The following LRRC63 variants were observed in gnomAD, a reference collection of about 807,000 sequenced individuals.
The protein encoded by LRRC63 is leucine rich repeat containing 63.
A neutral mutation model predicts 49.5 loss-of-function variants in LRRC63; 40 were observed. The observed-to-expected ratio is 0.81, with a 90% CI of 0.63 to 1.05. The LOEUF (loss-of-function observed/expected upper bound fraction) is 1.05, where lower values mean the gene tolerates loss of function less well. Ranked by LOEUF, LRRC63 falls within the 50% of genes least tolerant of loss-of-function variation. The pLI is 0.00. For missense variants in LRRC63, 636 were observed against 663.1 expected (o/e 0.96, Z 0.45); for synonymous variants, 191 against 221.1 (o/e 0.86, Z 1.21).
At chr13:46,255,645 A>AAAAAAAAAAAAAAAAAAAAT (rs1555328641) in intron 7 of LRRC63, among the ~76,000 whole-genome samples, 39 of 129,444 alleles carry the variant, frequency 3.0e-4, no homozygotes, top group African/African-American at 1.1e-3. Context: ...CCCTGCCTCA[A>AAAAAAAAAAAAAAAAAAAAT]ATATATATAT....
intron 5 of LRRC63, among the ~76,000 whole-genome samples, chr13:46,234,879 C>A (rs1194150933): frequency 2.0e-5 from 3 of 152,020 alleles, no homozygotes; most frequent in Non-Finnish European, 2.9e-5. Flanking sequence ...TGGGTTTGAA[C>A]CCAGAACTTT....
intron 2 of LRRC63, among the ~76,000 whole-genome samples, chr13:46,215,529 G>C (rs1307078544): frequency 1.3e-5 from 2 of 151,894 alleles, no homozygotes; most frequent in African/African-American, 4.8e-5. Context: ...TTTTTCAGAT[G>C]GGTAGATTGC....
intron 8 of LRRC63, among the ~76,000 whole-genome samples, chr13:46,265,679 G>T (rs565561883): frequency 1.6e-4 from 25 of 152,276 alleles, no homozygotes; most frequent in African/African-American, 5.8e-4. Context: ...TTTGAATTTT[G>T]GGGGGACAGA....
intron 1 of LRRC63, among the ~76,000 whole-genome samples, chr13:46,212,792 T>G (rs1163090842): frequency 6.6e-6 from 1 of 152,238 alleles, no homozygotes; most frequent in African/African-American, 2.4e-5. Flanking sequence ...TATGTTTACT[T>G]ATAACCCTAC....
intron 5 of LRRC63, among the ~76,000 whole-genome samples, chr13:46,241,059 G>A (rs964477659): frequency 7.9e-5 from 12 of 152,178 alleles, no homozygotes; most frequent in African/African-American, 4.8e-5. Flanking sequence ...AAAGCTAGAG[G>A]CATCATGCTA....
At chr13:46,258,758 A>G (rs1473970170) in intron 7 of LRRC63, among the ~76,000 whole-genome samples, 8 of 149,920 alleles carry the variant, frequency 5.3e-5, no homozygotes, top group Non-Finnish European at 8.9e-5. Context: ...GCAGTGAGCC[A>G]AGATCACACC....
intron 9 of LRRC63, chr13:46,270,058 G>A: frequency 1.8e-6 from 1 of 562,022 alleles, no homozygotes; most frequent in Non-Finnish European, 3.2e-6. Flanking sequence ...TTATAGGGGT[G>A]GTGGCGCCTG....
At chr13:46,244,076 A>G (rs2047143809) in intron 5 of LRRC63, among the ~76,000 whole-genome samples, 1 of 152,236 alleles carries the variant, frequency 6.6e-6, no homozygotes, top group Non-Finnish European at 1.5e-5. Context: ...GTGGTAAATA[A>G]TCAGTGAATA....
At position 46,213,322 on chromosome 13, in the gene LRRC63, C is replaced by T. The variant is rs1012709871; in HGVS notation, c.85+203C>T. ...CTTAGTAGATTCAAGTTTATCTCAT[C>T]GATAAAATTTACTTGTAACCCCAGA... On this transcript the variant is annotated intron_variant, in intron 2 of 9. Transcript: ENST00000595396. 2.6e-5 allele frequency among the ~76,000 whole-genome samples: 4 copies of T among 152,188 alleles called. No homozygotes were observed. The East Asian group carries it at 5.8e-4, about 22-fold the overall frequency.
chr13:46,242,275 G>A (rs746270870), intron 5 of LRRC63, among the ~76,000 whole-genome samples: 1 of 152,054 alleles, frequency 6.6e-6, no homozygotes. Context: ...GAGAACACAC[G>A]GACACATAGA....
In LRRC63 at chr13:46,231,384, C is replaced by T. The variant is rs797019413; in HGVS notation, c.832+2651C>T. 1.4e-4 allele frequency among the ~76,000 whole-genome samples: 21 copies of T among 152,232 alleles called. 1 individual carries two copies. The highest frequency in any genetic ancestry group is 4.8e-4 in the African/African-American group (20 of 41,540). ...CTATACAAGCGTAGTTATGGCATTC[C>T]CTTGGCTTTTGGGGAGGCCTCAGTG... On this transcript the variant is annotated intron_variant, in intron 4 of 9. Coordinates refer to ENST00000595396, the Ensembl canonical transcript of LRRC63.
chr13:46,220,495 G>T (rs1859261446), intron 2 of LRRC63, among the ~76,000 whole-genome samples: 1 of 152,168 alleles, frequency 6.6e-6, no homozygotes, highest in Admixed American at 6.5e-5. Flanking sequence ...AGACTGCTGT[G>T]CTGGCAGTGA....
chr13:46,238,873 C>A (rs932404247), intron 5 of LRRC63, among the ~76,000 whole-genome samples: 5 of 152,182 alleles, frequency 3.3e-5, no homozygotes, highest in Non-Finnish European at 7.4e-5. Flanking sequence ...AATTAAATGA[C>A]ATGCTCCTGA....
intron 9 of LRRC63, among the ~76,000 whole-genome samples, chr13:46,273,460 G>A (rs77538241): frequency 0.093 from 14,105 of 151,898 alleles, 852 homozygotes; most frequent in East Asian, 0.21. Context: ...AAATTAGCGG[G>A]GCGTGCTGGC....
At chr13:46,244,697 G>A (rs2047163951) in intron 5 of LRRC63, among the ~76,000 whole-genome samples, 1 of 152,132 alleles carries the variant, frequency 6.6e-6, no homozygotes, top group African/African-American at 2.4e-5. Context: ...AAGAGCCCAG[G>A]AATTTGAGGT....
intron 4 of LRRC63, among the ~76,000 whole-genome samples, chr13:46,230,086 G>C (rs1212891817): frequency 6.6e-6 from 1 of 152,076 alleles, no homozygotes; most frequent in African/African-American, 2.4e-5. Flanking sequence ...CTCCCACCAG[G>C]CCCCATGTCC....
At chr13:46,273,044 T>G (rs1312638226) in intron 9 of LRRC63, among the ~76,000 whole-genome samples, 3 of 152,202 alleles carry the variant, frequency 2.0e-5, no homozygotes, top group East Asian at 1.9e-4. Flanking sequence ...TTTGGAAATT[T>G]TACAAGGACT....
rs1222649910 is a variant in LRRC63 at position 46,228,761 on chromosome 13, T to C, written c.832+28T>C. 2.8e-6 allele frequency: 4 copies of C among 1,405,912 alleles called. No homozygotes were observed. In the South Asian group the frequency reaches 5.0e-5, roughly 18 times the overall value. The allele number at this position is 1,405,912 out of a possible 1,614,324, so 87.1% of individuals were successfully genotyped here. The stretch of plus-strand genomic sequence containing the variant: ...AAATGCTAGATTTATACAATTCTTT[T>C]AGAAAATGTATGTAAGATTATATCT... On this transcript the variant is annotated intron_variant, in intron 4 of 9. Transcript: ENST00000595396.
intron 9 of LRRC63, chr13:46,270,114 CT>C: frequency 1.5e-6 from 1 of 660,954 alleles, no homozygotes; most frequent in Non-Finnish European, 2.8e-6. Flanking sequence ...CCGGTGGTGC[CT>C]TTGTTCGTGG....
Sources: allele counts gnomAD v4.1 joint callset (sites outside exome capture counted in the v4.1 genomes callset), GRCh38; gene constraint gnomAD v4.1.1; transcripts MANE v1.5; gene names NCBI Gene and HGNC (gene_info 2026-07-23, HGNC 2026-07-21).